The following TNFRSF19 variants were observed in gnomAD, a reference collection of about 807,000 sequenced individuals.
The protein encoded by TNFRSF19 is TNF receptor superfamily member 19.
In TNFRSF19, 27 loss-of-function variants were observed where a neutral mutation model predicts 46.4. That is an observed-to-expected ratio of 0.58 (90% CI 0.43 to 0.80). The LOEUF (loss-of-function observed/expected upper bound fraction) is 0.80. TNFRSF19 is among the 30% of genes least tolerant of loss of function. The pLI is 0.00. For missense variants in TNFRSF19, 511 were observed against 530.8 expected (o/e 0.96, Z 0.37); for synonymous variants, 204 against 205.0 (o/e 1.00, Z 0.04).
chr13:23,618,133 T>C (rs967892491), intron 4 of TNFRSF19, among the ~76,000 whole-genome samples: 3 of 152,010 alleles, frequency 2.0e-5, no homozygotes, highest in Non-Finnish European at 4.4e-5. Flanking sequence ...AAAAAATAGC[T>C]CTGTTGGACT....
At chr13:23,658,973 G>T in intron 5 of TNFRSF19, 77 bp from the exon 6 acceptor site, 1 of 1,591,218 alleles carries the variant, frequency 6.3e-7, no homozygotes, top group South Asian at 1.1e-5. Flanking sequence ...CCACTGGTAA[G>T]GGTGCCTGCC....
intron 4 of TNFRSF19, among the ~76,000 whole-genome samples, chr13:23,620,161 T>C (rs957677657): frequency 3.3e-5 from 5 of 152,220 alleles, no homozygotes; most frequent in African/African-American, 1.2e-4. Flanking sequence ...GTTTTCAAAG[T>C]ACTCTTCCAG....
rs145592847 is a variant in TNFRSF19 at position 23,626,722 on chromosome 13, G to T, written c.375G>T (p.Thr125=). Residue 125 remains threonine (T), a synonymous_variant, in exon 5 of 10, where the codon ACG becomes ACT. Coordinates refer to ENST00000248484, the MANE Select transcript of TNFRSF19 (RefSeq NM_148957.4). Reference sequence around the variant, plus strand: ...TCTCTTCTAGATTTTATAGGAAGACGAAACTTGTCGGCTTTCAAGACATGG... The same window carrying T: ...TCTCTTCTAGATTTTATAGGAAGACTAAACTTGTCGGCTTTCAAGACATGG... ...GDCLPGFYRK[T]KLVGFQDMEC... 1.2e-6 allele frequency: 2 copies of T among 1,614,140 alleles called. No homozygotes were observed. The highest frequency in any genetic ancestry group is 4.5e-5 in the East Asian group (2 of 44,884).
rs112926614 is a variant in TNFRSF19 at position 23,650,573 on chromosome 13, T to C, written c.446-8477T>C. ...ATAGAGACAGAAAACAGATTAGGGC[T>C]TGCCAGGGGCTGCAGGGATGGGGGA... On this transcript the variant is annotated intron_variant, in intron 5 of 9. Coordinates refer to ENST00000248484, the MANE Select transcript of TNFRSF19 (RefSeq NM_148957.4). Among the ~76,000 whole-genome samples, 539 of 152,282 alleles carry C rather than the reference T, an allele frequency of 3.5e-3. 6 individuals carry two copies. The Middle Eastern group carries it at 0.037, about 11-fold the overall frequency.
chr13:23,648,193 A>G (rs1279517432), intron 5 of TNFRSF19, among the ~76,000 whole-genome samples: 1 of 152,184 alleles, frequency 6.6e-6, no homozygotes, highest in Non-Finnish European at 1.5e-5. Flanking sequence ...TGTCATCTTA[A>G]CAATAGTAAT....
chr13:23,583,044 A>G (rs1593229679), intron 1 of TNFRSF19, among the ~76,000 whole-genome samples: 1 of 151,762 alleles, frequency 6.6e-6, no homozygotes, highest in East Asian at 1.9e-4. Flanking sequence ...AACTTTTTGT[A>G]TGAAAGTTTA....
Position 23,669,030 on chromosome 13 carries a change from C to T in TNFRSF19, c.1178C>T (p.Thr393Ile). The T allele has an allele frequency of 6.2e-7, 1 of 1,614,220 alleles. No homozygotes were observed. The highest frequency in any genetic ancestry group is 8.5e-7 in the Non-Finnish European group (1 of 1,180,046). The change falls in exon 9 of 10, where the codon ACT becomes ATT. Residue 393 changes from threonine to isoleucine, a missense_variant. Transcript: ENST00000248484. ...VESASTQDAL[T>I]MRSQLDQESG... ...TCAGCATCAACTCAGGATGCACTAACTATGAGAAGCCAGCTAGATCAGGAG... is the reference window on the plus strand; with the variant it reads ...TCAGCATCAACTCAGGATGCACTAATTATGAGAAGCCAGCTAGATCAGGAG...
intron 4 of TNFRSF19, 93 bp downstream of exon 4, chr13:23,616,138 C>T (rs1299779541): frequency 2.3e-6 from 3 of 1,292,774 alleles, no homozygotes; most frequent in East Asian, 5.0e-5. Context: ...GGAATGCATG[C>T]TGGTATTAAC....
In TNFRSF19 at chr13:23,590,108, GATGTTTTTAAT is replaced by G. The variant is rs1879156062; in HGVS notation, c.-34-39_-34-29del. On this transcript the variant is annotated intron_variant, in intron 1 of 9. Coordinates refer to ENST00000248484, the MANE Select transcript of TNFRSF19 (RefSeq NM_148957.4). The stretch of plus-strand genomic sequence containing the variant: ...ATATAGTAAACAAAGCACAGTCACT[GATGTTTTTAAT>G]ATTAACTGCATCTTCCTATCTTTTA... 8 of 941,084 alleles carry G rather than the reference GATGTTTTTAAT, an allele frequency of 8.5e-6. No homozygotes were observed. In the Admixed American group the frequency reaches 1.6e-4, roughly 19 times the overall value. The allele number at this position is 941,084 out of a possible 1,614,324, so 58.3% of individuals were successfully genotyped here.
Position 23,616,149 on chromosome 13 carries a change from C to T in TNFRSF19, c.359+104C>T, listed in dbSNP as rs74948453. ...AACTGGAATGCATGCTGGTATTAAC[C>T]TGAAGATGCTGGTGGAGTATTTGTG... is the stretch of plus-strand genomic sequence containing the variant. On this transcript the variant is annotated intron_variant, in intron 4 of 9. Coordinates refer to ENST00000248484, the MANE Select transcript of TNFRSF19 (RefSeq NM_148957.4). 8.9e-3 allele frequency: 10,532 copies of T among 1,183,908 alleles called. 203 individuals carry two copies. The highest frequency in any genetic ancestry group is 0.057 in the African/African-American group (3,716 of 64,798). 73.3% of individuals were successfully genotyped at this position (1,183,908 alleles called of 1,614,324 possible).
chr13:23,668,005 G>T lies in TNFRSF19; in HGVS notation c.762G>T (p.Met254Ile). ...TCGPVRLLPSMCCEEACSPNP... is the reference protein window; with the variant it reads ...TCGPVRLLPSICCEEACSPNP... Reference sequence around the variant, plus strand: ...GGCCGGTGCGCTTGCTCCCATCCATGTGCTGTGAGGAGGCCTGCAGCCCCA... The same window carrying T: ...GGCCGGTGCGCTTGCTCCCATCCATTTGCTGTGAGGAGGCCTGCAGCCCCA... The change falls in exon 8 of 10, where the codon ATG becomes ATT. Residue 254 changes from methionine (M) to isoleucine (I), a missense_variant. Coordinates refer to ENST00000248484, the MANE Select transcript of TNFRSF19 (RefSeq NM_148957.4). 1.9e-6 allele frequency: 3 copies of T among 1,609,718 alleles called. No homozygotes were observed. The highest frequency in any genetic ancestry group is 2.5e-6 in the Non-Finnish European group (3 of 1,178,256).
intron 5 of TNFRSF19, among the ~76,000 whole-genome samples, chr13:23,628,283 T>G (rs1272155098): frequency 6.6e-6 from 1 of 152,252 alleles, no homozygotes; most frequent in Non-Finnish European, 1.5e-5. Flanking sequence ...CTTTCTTGTG[T>G]TGTTTGCTTT....
chr13:23,599,028 A>C (rs1262441958), intron 3 of TNFRSF19, among the ~76,000 whole-genome samples: 2 of 152,222 alleles, frequency 1.3e-5, no homozygotes, highest in Non-Finnish European at 2.9e-5. Context: ...CTTCTGATAG[A>C]TAGCGTTTCT....
At chr13:23,628,415 A>C (rs1593269041) in intron 5 of TNFRSF19, among the ~76,000 whole-genome samples, 1 of 152,212 alleles carries the variant, frequency 6.6e-6, no homozygotes, top group Non-Finnish European at 1.5e-5. Context: ...ACATGCAGTG[A>C]CCTGGGCCTG....
chr13:23,595,394 C>T (rs936134552), intron 3 of TNFRSF19, among the ~76,000 whole-genome samples: 1 of 152,070 alleles, frequency 6.6e-6, no homozygotes, highest in African/African-American at 2.4e-5. Flanking sequence ...ACTAGAATAA[C>T]CAGTTTAGAG....
chr13:23,571,156 A>G (rs185531870), intron 1 of TNFRSF19, among the ~76,000 whole-genome samples: 1 of 152,262 alleles, frequency 6.6e-6, no homozygotes, highest in Admixed American at 6.5e-5. Context: ...TGGTACTTCA[A>G]CCCCTGAGAT....
intron 5 of TNFRSF19, among the ~76,000 whole-genome samples, chr13:23,627,039 C>A (rs1882061131): frequency 6.6e-6 from 1 of 152,150 alleles, no homozygotes; most frequent in Non-Finnish European, 1.5e-5. Context: ...CTGCTCAGCT[C>A]CTTCTGAAGC....
chr13:23,588,735 A>C (rs1879026138), intron 1 of TNFRSF19, among the ~76,000 whole-genome samples: 1 of 152,224 alleles, frequency 6.6e-6, no homozygotes, highest in Admixed American at 6.5e-5. Flanking sequence ...CCCTGTGTCT[A>C]CACAAGCAGT....
chr13:23,602,507 CT>C (rs1309870912), intron 3 of TNFRSF19, among the ~76,000 whole-genome samples: 1 of 152,076 alleles, frequency 6.6e-6, no homozygotes, highest in Admixed American at 6.6e-5. Context: ...CATCAATCAA[CT>C]GGATATAACT....
Sources: gnomAD v4.1 joint callset for allele counts (sites outside exome capture counted in the v4.1 genomes callset) on GRCh38, gnomAD v4.1.1 for gene constraint, MANE v1.5 for transcripts, NCBI Gene and HGNC (gene_info 2026-07-23, HGNC 2026-07-21) for gene names.